The following CYP19A1 variants were observed in gnomAD, a reference collection of about 807,000 sequenced individuals.
The protein encoded by CYP19A1 is cytochrome P450 family 19 subfamily A member 1, also known as aromatase.
A neutral mutation model predicts 44.4 loss-of-function variants in CYP19A1; 32 were observed. That is an observed-to-expected ratio of 0.72 (90% confidence interval 0.54 to 0.97). CYP19A1 has a LOEUF of 0.97. Among genes scored for constraint, CYP19A1 ranks in the 50% least tolerant of loss-of-function variants. CYP19A1 has a pLI of 0.00. For synonymous variants in CYP19A1, 212 were observed against 215.6 expected (o/e 0.98, Z 0.14); for missense variants, 598 against 637.8 (o/e 0.94, Z 0.67).
intron 1 of CYP19A1, among the ~76,000 whole-genome samples, chr15:51,331,045 G>C (rs1261246255): frequency 6.6e-6 from 1 of 152,110 alleles, no homozygotes; most frequent in African/African-American, 2.4e-5. Context: ...GAATAAGGTT[G>C]TTTTGGAGTT....
chr15:51,224,791 A>C (rs1484194935), intron 4 of CYP19A1, among the ~76,000 whole-genome samples: 4 of 152,190 alleles, frequency 2.6e-5, no homozygotes, highest in African/African-American at 4.8e-5. Flanking sequence ...GCCTTAACTG[A>C]GAGGTCTTTG....
At chr15:51,281,051 C>G (rs1035804058) in intron 1 of CYP19A1, among the ~76,000 whole-genome samples, 7 of 152,208 alleles carry the variant, frequency 4.6e-5, no homozygotes, top group African/African-American at 1.7e-4. Flanking sequence ...CACTGAGCAT[C>G]CAGAGACCCT....
intron 5 of CYP19A1, chr15:51,222,026 A>G (rs1595680807): frequency 2.0e-6 from 1 of 505,752 alleles, no homozygotes. Context: ...TTAAATATAT[A>G]AAGTTGATTG....
At chr15:51,266,663 C>T (rs778161551) in intron 1 of CYP19A1, among the ~76,000 whole-genome samples, 81 of 152,362 alleles carry the variant, frequency 5.3e-4, no homozygotes, top group Non-Finnish European at 9.8e-4. Flanking sequence ...CTCATCTCTG[C>T]TCTTGCCCTT....
At chr15:51,314,960 T>C (rs948449525) in intron 1 of CYP19A1, among the ~76,000 whole-genome samples, 2 of 152,102 alleles carry the variant, frequency 1.3e-5, no homozygotes, top group South Asian at 4.2e-4. Context: ...CTCTGGGCTG[T>C]TTCCTGGTTC....
chr15:51,223,883 A>G (rs1338732679), intron 4 of CYP19A1, among the ~76,000 whole-genome samples: 2 of 152,092 alleles, frequency 1.3e-5, no homozygotes, highest in African/African-American at 4.8e-5. Flanking sequence ...GTTGGCTTAG[A>G]ATGTCACTTG....
chr15:51,322,279 T>C (rs1227774065), intron 1 of CYP19A1, among the ~76,000 whole-genome samples: 1 of 152,246 alleles, frequency 6.6e-6, no homozygotes, highest in Non-Finnish European at 1.5e-5. Flanking sequence ...GGCAGGTGTC[T>C]GTGCCCAAGA....
At chr15:51,310,657 C>G (rs1052827748) in intron 1 of CYP19A1, among the ~76,000 whole-genome samples, 13 of 152,278 alleles carry the variant, frequency 8.5e-5, no homozygotes, top group African/African-American at 3.1e-4. Context: ...CAGGGGAGTC[C>G]TCACTTTTTT....
intron 1 of CYP19A1, among the ~76,000 whole-genome samples, chr15:51,295,503 G>T (rs1304011786): frequency 2.6e-5 from 4 of 152,198 alleles, no homozygotes; most frequent in African/African-American, 9.7e-5. Context: ...GTCAGAGACT[G>T]TGCCTTGCTA....
At chr15:51,334,363 GC>G (rs1050277185) in intron 1 of CYP19A1, among the ~76,000 whole-genome samples, 62 of 152,260 alleles carry the variant, frequency 4.1e-4, no homozygotes, top group African/African-American at 1.4e-3. Context: ...TATAAAACCT[GC>G]CCTGCCCCGT....
At chr15:51,214,591 A>C (rs1481646384) in intron 8 of CYP19A1, among the ~76,000 whole-genome samples, 1 of 152,220 alleles carries the variant, frequency 6.6e-6, no homozygotes, top group Non-Finnish European at 1.5e-5. Flanking sequence ...CTGGGACGAT[A>C]ATTTCCCTGG....
intron 5 of CYP19A1, 37 bp from the exon 6 acceptor site, chr15:51,218,692 C>A: frequency 6.3e-7 from 1 of 1,588,108 alleles, no homozygotes; most frequent in Non-Finnish European, 8.6e-7. Flanking sequence ...CAAGAAAGAG[C>A]AGTTGAGCAA....
chr15:51,229,546 CCT>C (rs1404676117), intron 3 of CYP19A1, among the ~76,000 whole-genome samples: 6 of 151,882 alleles, frequency 4.0e-5, no homozygotes, highest in Admixed American at 1.3e-4. Context: ...GACATGTTTG[CCT>C]CTCCCTAGCA....
chr15:51,272,177 T>G lies in CYP19A1; in HGVS notation c.-38-29227A>C, dbSNP rs563077639. Among the ~76,000 whole-genome samples the G allele has an allele frequency of 3.3e-5, 5 of 152,350 alleles. No individual in the cohort carries two copies. The South Asian group carries it at 1.0e-3, about 32-fold the overall frequency. On this transcript the variant is annotated intron_variant, in intron 1 of 9. Transcript: ENST00000396402. ...CCATCTTCGATTTTTCCCTTCAGTT[T>G]TAACCTCAGCCATATCTTTTCCTAT... is the stretch of plus-strand genomic sequence containing the variant.
chr15:51,329,105 C>T (rs2036659107), intron 1 of CYP19A1, among the ~76,000 whole-genome samples: 1 of 152,166 alleles, frequency 6.6e-6, no homozygotes, highest in Non-Finnish European at 1.5e-5. Flanking sequence ...TTTCTGTATA[C>T]AACCTATTGG....
intron 2 of CYP19A1, among the ~76,000 whole-genome samples, chr15:51,240,987 G>A (rs2033726550): frequency 6.6e-6 from 1 of 152,170 alleles, no homozygotes; most frequent in South Asian, 2.1e-4. Flanking sequence ...CTCAACCTTG[G>A]CTGCTCATAA....
intron 1 of CYP19A1, among the ~76,000 whole-genome samples, chr15:51,324,121 G>C (rs1432147896): frequency 6.6e-6 from 1 of 152,166 alleles, no homozygotes; most frequent in Admixed American, 6.5e-5. Context: ...TGTGATGACA[G>C]GCTTGGTCCA....
chr15:51,233,793 A>G (rs1177667008), intron 3 of CYP19A1, among the ~76,000 whole-genome samples: 1 of 152,226 alleles, frequency 6.6e-6, no homozygotes, highest in Non-Finnish European at 1.5e-5. Flanking sequence ...CTAGGGACAT[A>G]TAATGGACAT....
intron 1 of CYP19A1, among the ~76,000 whole-genome samples, chr15:51,321,192 T>C (rs1301580923): frequency 1.3e-5 from 2 of 152,298 alleles, no homozygotes; most frequent in Middle Eastern, 3.4e-3. Context: ...AAGCCCCACA[T>C]AGAAGTCATC....
Sources: allele counts gnomAD v4.1 joint callset (sites outside exome capture counted in the v4.1 genomes callset), GRCh38; gene constraint gnomAD v4.1.1; transcripts MANE v1.5; gene names NCBI Gene and HGNC (gene_info 2026-07-23, HGNC 2026-07-21).